Variants in NAALADL2 observed in about 807,000 individuals in gnomAD.
The protein encoded by NAALADL2 is N-acetylated alpha-linked acidic dipeptidase like 2.
Under a neutral mutation model 87.2 loss-of-function variants are expected in NAALADL2, and 76 were observed. The ratio of observed to expected loss-of-function variants is 0.87; its 90% confidence interval spans 0.72 to 1.05. The LOEUF (loss-of-function observed/expected upper bound fraction) is 1.05. NAALADL2 is among the 50% of genes least tolerant of loss of function. The probability of loss-of-function intolerance (pLI) is 0.00; values close to 1 mark genes in which losing one functional copy is unlikely to be tolerated. For missense variants in NAALADL2, 1,089 were observed against 945.8 expected, an observed-to-expected ratio of 1.15 and a Z score of -1.99; for synonymous variants, 354 against 331.0, an observed-to-expected ratio of 1.07 and a Z score of -0.75.
intron 2 of NAALADL2, among the ~76,000 whole-genome samples, chr3:175,166,567 A>T (rs1580763440): frequency 6.7e-6 from 1 of 149,306 alleles, no homozygotes. Context: ...AACACCACAC[A>T]TTTTTTTTTT....
chr3:175,447,463 T>C (rs1720889834), intron 6 of NAALADL2, 91 bp downstream of exon 6: 2 of 830,526 alleles, frequency 2.4e-6, no homozygotes, highest in South Asian at 7.1e-5. Flanking sequence ...TGTAGGATTA[T>C]TCTTTTCAAA....
intron 4 of NAALADL2, among the ~76,000 whole-genome samples, chr3:175,310,210 T>G (rs1758190538): frequency 6.6e-6 from 1 of 152,244 alleles, no homozygotes; most frequent in Admixed American, 6.5e-5. Context: ...ATATAAACAT[T>G]TATTTAAAGC....
chr3:174,766,951 A>G (rs994936365), intron 3 of NAALADL2, among the ~76,000 whole-genome samples: 3 of 152,160 alleles, frequency 2.0e-5, no homozygotes, highest in African/African-American at 7.2e-5. Flanking sequence ...GCCCTACACA[A>G]TTCCTGGGTG....
At chr3:175,627,580 C>T (rs1727166210) in intron 11 of NAALADL2, among the ~76,000 whole-genome samples, 194 bp downstream of exon 11, 2 of 150,924 alleles carry the variant, frequency 1.3e-5, no homozygotes, top group Middle Eastern at 3.4e-3. Context: ...AGACCCATAA[C>T]TGTCTGTATG....
rs376217747 is a variant in NAALADL2, at chr3:174,470,448, G to T, written c.-184+29416G>T. On this transcript the variant is annotated intron_variant, in intron 1 of 3. Coordinates refer to the NAALADL2 transcript ENST00000434257. ...GAAAATATTTTCTCCCATTCTGTAG[G>T]TTGTCTGTTTACTCCATTGATAGTT... Among the ~76,000 whole-genome samples, 49 of 152,164 alleles carry T rather than the reference G, an allele frequency of 3.2e-4. 1 individual carries two copies. The East Asian group carries it at 8.7e-3, about 27-fold the overall frequency.
intron 1 of NAALADL2, among the ~76,000 whole-genome samples, chr3:175,033,635 T>C (rs564446449): frequency 3.3e-5 from 5 of 152,254 alleles, no homozygotes; most frequent in African/African-American, 1.2e-4. Flanking sequence ...TCTCTCCTTT[T>C]TGTTTGAAAC....
At chr3:174,904,965 ATCTT>A (rs1377407327) in intron 1 of NAALADL2, among the ~76,000 whole-genome samples, 3 of 151,686 alleles carry the variant, frequency 2.0e-5, no homozygotes, top group Non-Finnish European at 2.9e-5. Flanking sequence ...AACTTTTTTG[ATCTT>A]TCTTATGGGA....
intron 1 of NAALADL2, among the ~76,000 whole-genome samples, chr3:175,023,784 G>A (rs1751872251): frequency 6.6e-6 from 1 of 152,068 alleles, no homozygotes; most frequent in African/African-American, 2.4e-5. Context: ...GGCACTTTCA[G>A]ACATTACAGC....
chr3:175,145,359 A>G (rs887447530), intron 2 of NAALADL2, among the ~76,000 whole-genome samples: 2 of 152,044 alleles, frequency 1.3e-5, no homozygotes, highest in Non-Finnish European at 2.9e-5. Flanking sequence ...TTTCCCAGTG[A>G]CCTACATGGC....
chr3:175,364,981 C>A (rs1179009660), intron 5 of NAALADL2, among the ~76,000 whole-genome samples: 1 of 147,486 alleles, frequency 6.8e-6, no homozygotes, highest in African/African-American at 2.5e-5. Flanking sequence ...AAATCTGATA[C>A]TGTTAGTGTA....
At chr3:175,487,679 G>T (rs1422097789) in intron 9 of NAALADL2, 6 of 340,586 alleles carry the variant, frequency 1.8e-5, no homozygotes, top group Non-Finnish European at 2.9e-5. Flanking sequence ...ATCATTATAA[G>T]TTTTCAGAAT....
intron 2 of NAALADL2, among the ~76,000 whole-genome samples, chr3:175,125,093 C>A (rs55936118): frequency 6.6e-6 from 1 of 151,872 alleles, no homozygotes; most frequent in Non-Finnish European, 1.5e-5. Context: ...TTCAGTATAG[C>A]AGCCACTAGC....
At chr3:174,893,083 C>T (rs914861452) in intron 1 of NAALADL2, among the ~76,000 whole-genome samples, 3 of 152,078 alleles carry the variant, frequency 2.0e-5, no homozygotes, top group Non-Finnish European at 2.9e-5. Flanking sequence ...TTAAAGTGGA[C>T]CTCCAATATG....
chr3:175,174,720 T>C (rs972883211), intron 2 of NAALADL2, among the ~76,000 whole-genome samples: 39 of 152,156 alleles, frequency 2.6e-4, no homozygotes, highest in African/African-American at 9.4e-4. Flanking sequence ...AGATTGTGTT[T>C]GAAAACCATG....
At chr3:174,822,531 G>A (rs1026526176) in intron 3 of NAALADL2, among the ~76,000 whole-genome samples, 7 of 152,140 alleles carry the variant, frequency 4.6e-5, no homozygotes, top group East Asian at 1.9e-4. Flanking sequence ...ACAGGAACAC[G>A]TAGCCAGAGA....
chr3:175,444,512 T>G (rs1253787163), intron 5 of NAALADL2, among the ~76,000 whole-genome samples: 1 of 152,164 alleles, frequency 6.6e-6, no homozygotes, highest in Non-Finnish European at 1.5e-5. Context: ...TTAGCATTCT[T>G]CTACATAAAT....
intron 11 of NAALADL2, among the ~76,000 whole-genome samples, chr3:175,681,332 T>C (rs7636981): frequency 0.029 from 4,384 of 152,086 alleles, 210 homozygotes; most frequent in African/African-American, 0.1. Flanking sequence ...AGTTCTTGCA[T>C]TCTGAATGTT....
rs1243560480 is a variant in NAALADL2, at chr3:175,362,246, A to T, written c.1090+37921A>T. 2.0e-5 allele frequency among the ~76,000 whole-genome samples: 3 copies of T among 148,270 alleles called. No individual in the cohort carries two copies. The Admixed American group carries it at 2.1e-4, about 10-fold the overall frequency. ...TCTATATCTCTGTTTTGGTACCAGT[A>T]CCATGCTGTTTTGGTTACTGTAGCC... On this transcript the variant is annotated intron_variant, in intron 5 of 13. Coordinates refer to ENST00000454872, the MANE Select transcript of NAALADL2 (RefSeq NM_207015.3).
At chr3:175,431,500 T>A (rs913201548) in intron 5 of NAALADL2, among the ~76,000 whole-genome samples, 14 of 152,036 alleles carry the variant, frequency 9.2e-5, no homozygotes, top group African/African-American at 3.4e-4. Context: ...TCATTCATCC[T>A]CAAGCTTTGC....
Sources: allele counts gnomAD v4.1 joint callset (sites outside exome capture counted in the v4.1 genomes callset), GRCh38; gene constraint gnomAD v4.1.1; transcripts MANE v1.5; gene names NCBI Gene and HGNC (gene_info 2026-07-23, HGNC 2026-07-21).